The following PRKACB variants were observed in gnomAD, a reference collection of about 807,000 sequenced individuals.
PRKACB encodes protein kinase cAMP-activated catalytic subunit beta, also known as cAMP-dependent protein kinase catalytic subunit beta.
Under a neutral mutation model 51.4 loss-of-function variants are expected in PRKACB, and 16 were observed. The observed-to-expected ratio is 0.31, with a 90% CI of 0.21 to 0.47. The LOEUF (loss-of-function observed/expected upper bound fraction) is 0.47, where lower values mean the gene tolerates loss of function less well. Ranked by LOEUF, PRKACB falls within the 20% of genes least tolerant of loss-of-function variation. The probability of loss-of-function intolerance (pLI) is 1.00; values close to 1 mark genes in which losing one functional copy is unlikely to be tolerated. For synonymous variants in PRKACB, 147 were observed against 154.4 expected (o/e 0.95, Z 0.35); for missense variants, 309 against 464.5 (o/e 0.67, Z 3.08).
At chr1:84,171,859 G>A (rs563793181) in intron 1 of PRKACB, among the ~76,000 whole-genome samples, 27 of 151,550 alleles carry the variant, frequency 1.8e-4, no homozygotes, top group Non-Finnish European at 3.0e-4. Context: ...TATAAACATC[G>A]ACTATGTTCT....
At chr1:84,223,007 T>C (rs1351935487) in intron 9 of PRKACB, among the ~76,000 whole-genome samples, 1 of 152,180 alleles carries the variant, frequency 6.6e-6, no homozygotes, top group Admixed American at 6.5e-5. Context: ...CTTTTTGGAT[T>C]GTATCTATTT....
intron 8 of PRKACB, among the ~76,000 whole-genome samples, chr1:84,210,234 A>G (rs147060723): frequency 1.3e-5 from 2 of 152,306 alleles, no homozygotes; most frequent in African/African-American, 4.8e-5. Flanking sequence ...TTGGAAAACA[A>G]TCCTAAACAA....
upstream of PRKACB, among the ~76,000 whole-genome samples, chr1:84,139,362 C>T (rs1038222913): frequency 2.6e-5 from 4 of 152,078 alleles, no homozygotes; most frequent in African/African-American, 9.7e-5. Flanking sequence ...TAGCAATGCA[C>T]AATGTATTAG....
At chr1:84,216,197 G>C (rs1672857072) in intron 9 of PRKACB, among the ~76,000 whole-genome samples, 1 of 151,904 alleles carries the variant, frequency 6.6e-6, no homozygotes, top group African/African-American at 2.4e-5. Context: ...AAATTATCTG[G>C]GTATGATGGC....
intron 1 of PRKACB, among the ~76,000 whole-genome samples, chr1:84,102,927 A>G (rs1346160262): frequency 6.6e-6 from 1 of 152,138 alleles, no homozygotes; most frequent in Non-Finnish European, 1.5e-5. Context: ...GGGAGTATCC[A>G]TTGCAATTTC....
intron 9 of PRKACB, among the ~76,000 whole-genome samples, chr1:84,216,088 C>T (rs997188842): frequency 1.3e-5 from 2 of 152,154 alleles, no homozygotes; most frequent in Non-Finnish European, 2.9e-5. Context: ...AATCCTAACA[C>T]TTTGGGAGGC....
chr1:84,183,485 A>G (rs1664183577), intron 3 of PRKACB, among the ~76,000 whole-genome samples: 2 of 151,780 alleles, frequency 1.3e-5, no homozygotes, highest in East Asian at 3.9e-4. Flanking sequence ...TAGATATTAT[A>G]AAATGAAAAT....
intron 1 of PRKACB, among the ~76,000 whole-genome samples, chr1:84,092,824 A>G (rs1236046166): frequency 6.6e-6 from 1 of 150,888 alleles, no homozygotes; most frequent in Admixed American, 6.6e-5. Context: ...CTTATGACTG[A>G]TAGTGTTGAT....
At chr1:84,104,991 A>G (rs1649618767) in intron 1 of PRKACB, among the ~76,000 whole-genome samples, 2 of 152,198 alleles carry the variant, frequency 1.3e-5, no homozygotes, top group South Asian at 4.1e-4. Flanking sequence ...TTCTTTACTT[A>G]AAAAGTCTCA....
At chr1:84,098,176 T>C (rs1330338092) in intron 1 of PRKACB, among the ~76,000 whole-genome samples, 2 of 152,160 alleles carry the variant, frequency 1.3e-5, no homozygotes, top group Non-Finnish European at 2.9e-5. Context: ...ATTAAATCTT[T>C]TGCCTATTTT....
At chr1:84,189,457 GA>G (rs553468620) in intron 5 of PRKACB, among the ~76,000 whole-genome samples, 2,176 of 125,776 alleles carry the variant, frequency 0.017, 50 homozygotes, top group African/African-American at 0.053. Context: ...AGTTCAAACT[GA>G]AAAAAAAAAA....
At chr1:84,138,625 A>G (rs998482952) in intron 1 of PRKACB, among the ~76,000 whole-genome samples, 4 of 152,204 alleles carry the variant, frequency 2.6e-5, no homozygotes, top group Non-Finnish European at 5.9e-5. Context: ...AATGATACCA[A>G]TTCTCACAGT....
In PRKACB at chr1:84,202,742, T is replaced by C. The variant is rs1231625324; in HGVS notation, c.843T>C (p.Ala281=). 1 of 1,610,464 alleles carries C rather than the reference T, an allele frequency of 6.2e-7. No homozygotes were observed. The highest frequency in any genetic ancestry group is 1.7e-5 in the Admixed American group (1 of 59,900). The change falls in exon 8 of 10, where the codon GCT becomes GCC. Residue 281 remains alanine (A), a synonymous_variant. Coordinates refer to ENST00000370685, the MANE Select transcript of PRKACB (RefSeq NM_182948.4). ...ALGVLIYEMA[A]GYPPFFADQP... is the part of the protein sequence containing the mutation. The stretch of plus-strand genomic sequence containing the variant: ...GAGTGCTAATCTATGAAATGGCAGC[T>C]GGCTATCCCCCATTCTTTGCAGACC...
intron 1 of PRKACB, among the ~76,000 whole-genome samples, chr1:84,154,167 G>C (rs1018466664): frequency 6.6e-6 from 1 of 152,064 alleles, no homozygotes; most frequent in Non-Finnish European, 1.5e-5. Context: ...TTTTATGTCT[G>C]CTTTTGAGAA....
chr1:84,162,911 A>G (rs1481290135), intron 1 of PRKACB, among the ~76,000 whole-genome samples: 2 of 151,530 alleles, frequency 1.3e-5, no homozygotes, highest in Non-Finnish European at 3.0e-5. Context: ...GGTTTTGATT[A>G]TTTTTTCCCT....
intron 1 of PRKACB, among the ~76,000 whole-genome samples, chr1:84,110,840 T>A (rs917058762): frequency 6.6e-6 from 1 of 152,088 alleles, no homozygotes; most frequent in Non-Finnish European, 1.5e-5. Flanking sequence ...CTGCACTTCC[T>A]ATTTTGGTGA....
chr1:84,206,268 C>T (rs1464064910), intron 8 of PRKACB, among the ~76,000 whole-genome samples: 1 of 152,038 alleles, frequency 6.6e-6, no homozygotes, highest in African/African-American at 2.4e-5. Context: ...TAAGTATATA[C>T]TGAATGATCA....
At chr1:84,100,286 C>T (rs957766136) in intron 1 of PRKACB, among the ~76,000 whole-genome samples, 2 of 152,168 alleles carry the variant, frequency 1.3e-5, no homozygotes, top group Non-Finnish European at 2.9e-5. Flanking sequence ...TCACTTCCCA[C>T]TGGGTCCCTC....
intron 1 of PRKACB, among the ~76,000 whole-genome samples, chr1:84,166,169 T>G (rs1270811764): frequency 6.6e-6 from 1 of 151,748 alleles, no homozygotes; most frequent in Non-Finnish European, 1.5e-5. Flanking sequence ...TTAACTGGAT[T>G]GTTATTTTCC....
Sources: gnomAD v4.1 joint callset for allele counts (sites outside exome capture counted in the v4.1 genomes callset) on GRCh38, gnomAD v4.1.1 for gene constraint, MANE v1.5 for transcripts, NCBI Gene and HGNC (gene_info 2026-07-23, HGNC 2026-07-21) for gene names.